Variants in SASH1 observed in about 807,000 individuals in gnomAD.
SASH1 encodes SAM and SH3 domain containing 1.
SASH1 carries 44 observed loss-of-function variants against 125.2 expected under a neutral mutation model. The ratio of observed to expected loss-of-function variants is 0.35; its 90% CI spans 0.28 to 0.45. SASH1 has a LOEUF of 0.45. Among genes scored for constraint, SASH1 ranks in the 20% least tolerant of loss-of-function variants. SASH1 has a pLI of 1.00. For missense variants in SASH1, 1,426 were observed against 1,614.5 expected, an observed-to-expected ratio of 0.88 and a Z score of 2.00; for synonymous variants, 639 against 649.1, an observed-to-expected ratio of 0.98 and a Z score of 0.24.
intron 11 of SASH1, among the ~76,000 whole-genome samples, chr6:148,526,851 T>C (rs1193887371): frequency 6.6e-6 from 1 of 151,036 alleles, no homozygotes; most frequent in African/African-American, 2.4e-5. Flanking sequence ...ACATGAACAT[T>C]GGTTCATGTA....
At chr6:148,504,617 C>G (rs1583267912) in intron 8 of SASH1, among the ~76,000 whole-genome samples, 1 of 152,258 alleles carries the variant, frequency 6.6e-6, no homozygotes, top group Non-Finnish European at 1.5e-5. Flanking sequence ...CCAAATATCC[C>G]CCAGTTTACT....
chr6:148,218,936 A>G, the SASH1 span, among the ~76,000 whole-genome samples: 1 of 152,240 alleles, frequency 6.6e-6, no homozygotes, highest in Non-Finnish European at 1.5e-5. Flanking sequence ...AATGAGCATA[A>G]CTTAGAACTC....
At chr6:148,503,560 G>A (rs1184276822) in intron 8 of SASH1, among the ~76,000 whole-genome samples, 1 of 152,164 alleles carries the variant, frequency 6.6e-6, no homozygotes, top group Non-Finnish European at 1.5e-5. Context: ...AAACAGTGTG[G>A]CTACGGTGCA....
At chr6:148,303,691 A>T (rs1025384446) in intron 1 of SASH1, among the ~76,000 whole-genome samples, 1 of 150,832 alleles carries the variant, frequency 6.6e-6, no homozygotes, top group African/African-American at 2.4e-5. Context: ...ACTACTCAGG[A>T]GGCTGAGGCA....
chr6:148,301,745 ATTTTTTT>A (rs34707015), intron 1 of SASH1, among the ~76,000 whole-genome samples: 1 of 102,876 alleles, frequency 9.7e-6, no homozygotes, highest in African/African-American at 3.8e-5. Flanking sequence ...CATCTTGGTG[ATTTTTTT>A]TTTTTTTTTT....
intron 1 of SASH1, among the ~76,000 whole-genome samples, chr6:148,347,424 C>T (rs955235915): frequency 1.3e-5 from 2 of 152,174 alleles, no homozygotes; most frequent in African/African-American, 4.8e-5. Context: ...TACAGAAAGG[C>T]AGGCATCAGT....
At chr6:148,358,727 G>GT (rs1554242358) in intron 1 of SASH1, among the ~76,000 whole-genome samples, 60 of 98,764 alleles carry the variant, frequency 6.1e-4, no homozygotes, top group African/African-American at 1.7e-3. Flanking sequence ...CTAATGCCAT[G>GT]TTTTTGTTTT....
At chr6:148,421,146 G>GAAGGAAGGAAGAAAGAAAGAAAGA (rs1554254949) in intron 2 of SASH1, among the ~76,000 whole-genome samples, 20 of 71,238 alleles carry the variant, frequency 2.8e-4, no homozygotes, top group East Asian at 2.1e-3. Flanking sequence ...AGGAAGGAAG[G>GAAGGAAGGAAGAAAGAAAGAAAGA]AAGAAAGAAA....
intron 2 of SASH1, among the ~76,000 whole-genome samples, chr6:148,390,484 A>C (rs1010603185): frequency 1.8e-4 from 27 of 152,270 alleles, no homozygotes; most frequent in African/African-American, 6.5e-4. Context: ...GAACCTTTGC[A>C]CTCATTAAAA....
chr6:148,423,902 T>A (rs1775686473), intron 2 of SASH1, among the ~76,000 whole-genome samples: 1 of 151,994 alleles, frequency 6.6e-6, no homozygotes. Flanking sequence ...AAAAAACTCA[T>A]GTAAACGATA....
At chr6:148,380,722 T>C (rs1423117477) in intron 1 of SASH1, among the ~76,000 whole-genome samples, 2 of 152,254 alleles carry the variant, frequency 1.3e-5, no homozygotes, top group African/African-American at 4.8e-5. Flanking sequence ...CTTAGGGTTT[T>C]TGTGTAATAC....
At chr6:148,357,745 A>G in intron 1 of SASH1, among the ~76,000 whole-genome samples, 1 of 152,138 alleles carries the variant, frequency 6.6e-6, no homozygotes, top group Non-Finnish European at 1.5e-5. Flanking sequence ...ACATCGGGAA[A>G]GTCAGCCTCC....
At chr6:148,465,459 G>C (rs372254832) in intron 4 of SASH1, among the ~76,000 whole-genome samples, 9 of 151,344 alleles carry the variant, frequency 5.9e-5, no homozygotes, top group African/African-American at 2.2e-4. Context: ...CAGGAGAATC[G>C]CATGAACCTG....
At chr6:148,248,827 G>A in the SASH1 span, among the ~76,000 whole-genome samples, 1 of 152,350 alleles carries the variant, frequency 6.6e-6, no homozygotes, top group Middle Eastern at 3.4e-3. Flanking sequence ...TATTTAAACT[G>A]TGAAGTGTTG....
Position 148,449,030 on chromosome 6 carries a change from TGTG to T in SASH1, c.386+8624_386+8626del, listed in dbSNP as rs1554258766. 4.1e-3 allele frequency among the ~76,000 whole-genome samples: 612 copies of T among 150,640 alleles called. 3 individuals are homozygous for T. The highest frequency in any genetic ancestry group is 7.3e-3 in the Non-Finnish European group (490 of 67,512). ...TGTTTCCCTCTGTTTTAGTCCATTT[TGTG>T]TTGCTGTGATAGAATACCCGAGACT... On this transcript the variant is annotated intron_variant, in intron 4 of 19. Transcript: ENST00000367467.
At chr6:148,336,486 G>A (rs372719580) in intron 1 of SASH1, among the ~76,000 whole-genome samples, 2 of 152,018 alleles carry the variant, frequency 1.3e-5, no homozygotes, top group East Asian at 1.9e-4. Flanking sequence ...CCCTGAAACT[G>A]TATCTTTACT....
At chr6:148,447,433 CTT>C (rs1337339764) in intron 4 of SASH1, among the ~76,000 whole-genome samples, 1 of 152,196 alleles carries the variant, frequency 6.6e-6, no homozygotes, top group Non-Finnish European at 1.5e-5. Flanking sequence ...GCTGATTACT[CTT>C]TTGATAATGT....
At chr6:148,442,409 A>G (rs1330393780) in intron 4 of SASH1, among the ~76,000 whole-genome samples, 7 of 152,204 alleles carry the variant, frequency 4.6e-5, no homozygotes, top group Admixed American at 2.6e-4. Flanking sequence ...AAAAAATATT[A>G]AAATAAATTT....
chr6:148,332,902 C>G (rs1781036306), intron 1 of SASH1, among the ~76,000 whole-genome samples: 1 of 151,938 alleles, frequency 6.6e-6, no homozygotes, highest in Admixed American at 6.6e-5. Flanking sequence ...CAGGAGAATC[C>G]CTTGAACCCG....
Sources: allele counts gnomAD v4.1 joint callset (sites outside exome capture counted in the v4.1 genomes callset), GRCh38; gene constraint gnomAD v4.1.1; transcripts MANE v1.5; gene names NCBI Gene and HGNC (gene_info 2026-07-23, HGNC 2026-07-21).